PTPRM: variants seen among roughly 807,000 people sequenced by gnomAD.
The protein encoded by PTPRM is protein tyrosine phosphatase receptor type M, also known as receptor-type tyrosine-protein phosphatase mu.
PTPRM carries 47 observed loss-of-function variants against 186.7 expected under a neutral mutation model. The ratio of observed to expected loss-of-function variants is 0.25; its 90% confidence interval spans 0.20 to 0.32. PTPRM has a LOEUF of 0.32. Among genes scored for constraint, PTPRM ranks in the 10% least tolerant of loss-of-function variants. The pLI is 1.00. For missense variants in PTPRM, 1,494 were observed against 1,865.0 expected (o/e 0.80, Z 3.66); for synonymous variants, 668 against 674.9 (o/e 0.99, Z 0.16).
At chr18:7,958,102 T>A (rs1230469858) in intron 7 of PTPRM, among the ~76,000 whole-genome samples, 1 of 151,608 alleles carries the variant, frequency 6.6e-6, no homozygotes, top group Non-Finnish European at 1.5e-5. Flanking sequence ...AGCAGCAATA[T>A]GTATGAAGAA....
At chr18:7,955,856 T>C (rs899104190) in intron 7 of PTPRM, among the ~76,000 whole-genome samples, 1 of 152,172 alleles carries the variant, frequency 6.6e-6, no homozygotes. Context: ...TGTGTTTTCA[T>C]TGATGAGTGT....
At chr18:8,196,750 T>C (rs2146781914) in intron 14 of PTPRM, among the ~76,000 whole-genome samples, 1 of 152,368 alleles carries the variant, frequency 6.6e-6, no homozygotes, top group Middle Eastern at 3.4e-3. Context: ...TGTTCCCATA[T>C]GTCACGATAT....
At chr18:8,026,990 GT>G (rs1306475167) in intron 7 of PTPRM, among the ~76,000 whole-genome samples, 1 of 152,122 alleles carries the variant, frequency 6.6e-6, no homozygotes, top group Non-Finnish European at 1.5e-5. Context: ...CATTTCCTCT[GT>G]CAAAGAATCT....
intron 2 of PTPRM, among the ~76,000 whole-genome samples, chr18:7,775,001 T>G (rs2042512145): frequency 6.6e-6 from 1 of 152,250 alleles, no homozygotes; most frequent in South Asian, 2.1e-4. Flanking sequence ...GGATTCAAAC[T>G]GTGAAACATG....
At chr18:7,948,297 A>AAG (rs942721629) in intron 5 of PTPRM, among the ~76,000 whole-genome samples, 4 of 151,656 alleles carry the variant, frequency 2.6e-5, no homozygotes, top group African/African-American at 9.7e-5. Flanking sequence ...GAGAGAGAGA[A>AAG]AGAGAGAGAG....
intron 14 of PTPRM, among the ~76,000 whole-genome samples, chr18:8,206,432 T>G (rs925088243): frequency 1.3e-5 from 2 of 152,004 alleles, no homozygotes; most frequent in Non-Finnish European, 2.9e-5. Context: ...GTACTTTTAG[T>G]AGAGACGGGG....
intron 1 of PTPRM, among the ~76,000 whole-genome samples, chr18:7,714,638 G>T (rs1021503171): frequency 1.2e-4 from 18 of 152,096 alleles, no homozygotes; most frequent in Middle Eastern, 6.8e-3. Flanking sequence ...TAACAAAGCA[G>T]AAAAGAGAGA....
chr18:8,022,679 G>T (rs1600117504), intron 7 of PTPRM, among the ~76,000 whole-genome samples: 2 of 152,058 alleles, frequency 1.3e-5, no homozygotes, highest in Non-Finnish European at 2.9e-5. Context: ...TATTGATCTA[G>T]GTCCGTCTGT....
chr18:7,916,618 A>T (rs11873831), intron 4 of PTPRM, among the ~76,000 whole-genome samples: 43,727 of 150,962 alleles, frequency 0.29, 6,692 homozygotes, highest in Middle Eastern at 0.44. Flanking sequence ...TTTCTTTTTT[A>T]AAAAAAATGT....
chr18:7,759,531 C>T lies in PTPRM; in HGVS notation c.74-14618C>T, dbSNP rs549652001. Among the ~76,000 whole-genome samples, 13 of 152,300 alleles carry T rather than the reference C, an allele frequency of 8.5e-5. No homozygotes were observed. In the East Asian group the frequency reaches 2.5e-3, roughly 29 times the overall value. On this transcript the variant is annotated intron_variant, in intron 1 of 32. Transcript: ENST00000580170. ...GGACGCAGATAAGGCTCATCCCAGG[C>T]ATATTATGAAGTCATTGAATTTGAT...
At chr18:7,714,159 A>G (rs1242494094) in intron 1 of PTPRM, among the ~76,000 whole-genome samples, 1 of 151,936 alleles carries the variant, frequency 6.6e-6, no homozygotes, top group Non-Finnish European at 1.5e-5. Flanking sequence ...AACGGAAATC[A>G]TAACAGTCTC....
intron 2 of PTPRM, among the ~76,000 whole-genome samples, chr18:7,848,134 T>C (rs1169902344): frequency 1.3e-5 from 2 of 152,222 alleles, no homozygotes; most frequent in Non-Finnish European, 2.9e-5. Flanking sequence ...GGTCTCCCCC[T>C]TCACTGTCCT....
intron 1 of PTPRM, among the ~76,000 whole-genome samples, chr18:7,726,169 G>A (rs919638820): frequency 4.6e-5 from 7 of 152,122 alleles, no homozygotes; most frequent in Non-Finnish European, 7.4e-5. Context: ...TCCATTTCCC[G>A]CCTGTGAAGG....
At chr18:8,200,826 G>A (rs989913709) in intron 14 of PTPRM, among the ~76,000 whole-genome samples, 1 of 152,072 alleles carries the variant, frequency 6.6e-6, no homozygotes, top group African/African-American at 2.4e-5. Context: ...TAAAAAACAC[G>A]AAGCCTTTTT....
intron 7 of PTPRM, among the ~76,000 whole-genome samples, chr18:8,046,090 A>G (rs892410328): frequency 1.3e-5 from 2 of 151,962 alleles, no homozygotes; most frequent in Non-Finnish European, 2.9e-5. Flanking sequence ...ACGAGATCTG[A>G]TGGTTTTATA....
intron 2 of PTPRM, among the ~76,000 whole-genome samples, chr18:7,884,928 A>AAAAAAAAAAAAG (rs1567966257): frequency 4.3e-5 from 6 of 138,868 alleles, no homozygotes; most frequent in African/African-American, 1.9e-4. Flanking sequence ...CCATCTCAAA[A>AAAAAAAAAAAAG]AAAAAAAAAA....
At chr18:7,817,290 T>A (rs915220174) in intron 2 of PTPRM, among the ~76,000 whole-genome samples, 1 of 152,212 alleles carries the variant, frequency 6.6e-6, no homozygotes. Flanking sequence ...CTAGTTAGTT[T>A]ATTTACCTAT....
At chr18:8,269,146 T>A (rs1172387324) in intron 19 of PTPRM, among the ~76,000 whole-genome samples, 1 of 151,996 alleles carries the variant, frequency 6.6e-6, no homozygotes, top group Non-Finnish European at 1.5e-5. Context: ...TGTAACATGA[T>A]CTTATATATA....
chr18:7,861,769 A>T (rs12608235), intron 2 of PTPRM, among the ~76,000 whole-genome samples: 1,816 of 142,256 alleles, frequency 0.013, 42 homozygotes, highest in East Asian at 0.087. Context: ...TGTGTGTGTG[A>T]GAGAGAGAGA....
Sources: gnomAD v4.1 joint callset for allele counts (sites outside exome capture counted in the v4.1 genomes callset) on GRCh38, gnomAD v4.1.1 for gene constraint, MANE v1.5 for transcripts, NCBI Gene and HGNC (gene_info 2026-07-23, HGNC 2026-07-21) for gene names.